GPC6: variants seen among roughly 807,000 people sequenced by gnomAD.
GPC6 encodes glypican-6.
Under a neutral mutation model 55.2 loss-of-function variants are expected in GPC6, and 14 were observed. The observed-to-expected ratio is 0.25, with a 90% CI of 0.17 to 0.40. The LOEUF is 0.40. Ranked by LOEUF, GPC6 falls within the 10% of genes least tolerant of loss-of-function variation. GPC6 has a pLI of 1.00. For missense variants in GPC6, 641 were observed against 708.5 expected (o/e 0.90, Z 1.08); for synonymous variants, 278 against 259.6 (o/e 1.07, Z -0.68).
intron 3 of GPC6, among the ~76,000 whole-genome samples, chr13:93,938,526 T>C (rs1424235769): frequency 6.6e-6 from 1 of 151,996 alleles, no homozygotes; most frequent in Non-Finnish European, 1.5e-5. Context: ...AAAAATGGTA[T>C]GAAGAATACA....
Position 94,288,961 on chromosome 13 carries a change from A to AGATAGATAGATAGATC in GPC6, c.1008+2494_1008+2495insGATCGATAGATAGATA, listed in dbSNP as rs1555316177. ...TAGATAGATAGATAGATATATAGAT[A>AGATAGATAGATAGATC]GATAGATAGATAATATATATATGTA... is the stretch of plus-strand genomic sequence containing the variant. On this transcript the variant is annotated intron_variant, in intron 5 of 8. Transcript: ENST00000377047. 8.7e-3 allele frequency among the ~76,000 whole-genome samples: 1,140 copies of AGATAGATAGATAGATC among 131,162 alleles called. 24 individuals carry two copies. The highest frequency in any genetic ancestry group is 0.032 in the African/African-American group (1,093 of 34,404). The allele number at this position is 131,162 out of a possible 152,430, so 86.0% of individuals were successfully genotyped here.
intron 1 of GPC6, among the ~76,000 whole-genome samples, chr13:93,463,575 T>A (rs192798324): frequency 5.3e-5 from 8 of 152,270 alleles, no homozygotes; most frequent in Middle Eastern, 3.4e-3. Flanking sequence ...TCAGAGTTTA[T>A]TGTAGGTATC....
intron 2 of GPC6, among the ~76,000 whole-genome samples, chr13:93,573,248 G>A (rs763768810): frequency 3.9e-5 from 6 of 152,000 alleles, no homozygotes; most frequent in Non-Finnish European, 7.4e-5. Flanking sequence ...ATTAGAAATT[G>A]ATAGCATTAT....
intron 1 of GPC6, among the ~76,000 whole-genome samples, chr13:93,284,221 C>G (rs1023236455): frequency 2.0e-5 from 3 of 152,176 alleles, no homozygotes; most frequent in African/African-American, 4.8e-5. Context: ...GTTGGAGTAT[C>G]AGAAGAAAAT....
intron 4 of GPC6, among the ~76,000 whole-genome samples, chr13:94,097,028 A>G (rs1885684571): frequency 6.6e-6 from 1 of 151,894 alleles, no homozygotes. Flanking sequence ...GTTAACACCT[A>G]TTATGATAAA....
At chr13:94,239,198 A>G (rs1024913983) in intron 4 of GPC6, among the ~76,000 whole-genome samples, 4 of 152,058 alleles carry the variant, frequency 2.6e-5, no homozygotes, top group Non-Finnish European at 4.4e-5. Context: ...TCTCGGTTTA[A>G]TTGTCTCCAG....
chr13:93,584,524 A>G (rs1258720462), intron 2 of GPC6, among the ~76,000 whole-genome samples: 3 of 152,120 alleles, frequency 2.0e-5, no homozygotes, highest in Admixed American at 1.3e-4. Context: ...TCTCAGTGGT[A>G]ATTTCTAATA....
intron 1 of GPC6, among the ~76,000 whole-genome samples, chr13:93,460,125 C>T (rs1472223538): frequency 1.3e-5 from 2 of 152,164 alleles, no homozygotes. Flanking sequence ...ATACAAAATT[C>T]TGTCTTTGCT....
At chr13:93,663,318 C>T (rs1881001555) in intron 2 of GPC6, among the ~76,000 whole-genome samples, 1 of 152,008 alleles carries the variant, frequency 6.6e-6, no homozygotes, top group South Asian at 2.1e-4. Context: ...TAGCATGGCA[C>T]CTTGGGCAGA....
intron 4 of GPC6, among the ~76,000 whole-genome samples, chr13:94,061,081 G>T (rs2138767963): frequency 6.6e-6 from 1 of 152,304 alleles, no homozygotes; most frequent in Non-Finnish European, 1.5e-5. Context: ...GTACAATAAA[G>T]TGAAAATATG....
chr13:93,406,701 G>A (rs544056191), intron 1 of GPC6, among the ~76,000 whole-genome samples: 3 of 152,192 alleles, frequency 2.0e-5, no homozygotes, highest in Non-Finnish European at 4.4e-5. Flanking sequence ...ATCACATTTG[G>A]ATGAAAATGG....
chr13:94,063,536 T>C (rs1027321168), intron 4 of GPC6, among the ~76,000 whole-genome samples: 3 of 152,214 alleles, frequency 2.0e-5, no homozygotes, highest in African/African-American at 7.2e-5. Flanking sequence ...GTTCTGTGCT[T>C]GGTTTTGTTT....
chr13:93,402,066 A>C (rs1876110618), intron 1 of GPC6, among the ~76,000 whole-genome samples: 1 of 152,174 alleles, frequency 6.6e-6, no homozygotes, highest in South Asian at 2.1e-4. Flanking sequence ...CCAGTGTCAT[A>C]GGACAAGTAA....
chr13:94,246,431 C>A (rs1891197816), intron 4 of GPC6, among the ~76,000 whole-genome samples: 1 of 152,010 alleles, frequency 6.6e-6, no homozygotes, highest in Non-Finnish European at 1.5e-5. Flanking sequence ...GACATCATTG[C>A]CAAAGCCAGT....
At chr13:93,412,839 T>G (rs1392707508) in intron 1 of GPC6, among the ~76,000 whole-genome samples, 1 of 152,178 alleles carries the variant, frequency 6.6e-6, no homozygotes, top group East Asian at 1.9e-4. Context: ...TCAGGCTCTA[T>G]AATTATTTAC....
chr13:94,242,188 G>A (rs1234642770), intron 4 of GPC6, among the ~76,000 whole-genome samples: 1 of 151,812 alleles, frequency 6.6e-6, no homozygotes, highest in African/African-American at 2.4e-5. Context: ...TTGTCCTTGC[G>A]ATAGTTTACT....
intron 2 of GPC6, among the ~76,000 whole-genome samples, chr13:93,648,842 C>T (rs890114144): frequency 6.6e-6 from 1 of 152,264 alleles, no homozygotes; most frequent in Non-Finnish European, 1.5e-5. Flanking sequence ...TCACGCAAAA[C>T]TTATTTTTTC....
intron 1 of GPC6, among the ~76,000 whole-genome samples, chr13:93,407,551 G>A (rs2762090): frequency 1 from 152,203 of 152,316 alleles, 76,045 homozygotes; most frequent in Middle Eastern, 1. Context: ...TTACTTACAG[G>A]CTTACACAAG....
At chr13:94,175,069 G>A (rs1888698760) in intron 4 of GPC6, among the ~76,000 whole-genome samples, 1 of 151,942 alleles carries the variant, frequency 6.6e-6, no homozygotes, top group African/African-American at 2.4e-5. Flanking sequence ...TGCCTGTTCT[G>A]GAACTTCTTA....
Sources: allele counts gnomAD v4.1 joint callset (sites outside exome capture counted in the v4.1 genomes callset), GRCh38; gene constraint gnomAD v4.1.1; transcripts MANE v1.5; gene names NCBI Gene and HGNC (gene_info 2026-07-23, HGNC 2026-07-21).